The following SBF2 variants were observed in gnomAD, a reference collection of about 807,000 sequenced individuals.
SBF2 encodes the protein myotubularin-related protein 13.
Under a neutral mutation model 225.2 loss-of-function variants are expected in SBF2, and 112 were observed. The ratio of observed to expected loss-of-function variants is 0.50; its 90% confidence interval spans 0.43 to 0.58. The LOEUF (loss-of-function observed/expected upper bound fraction) is 0.58. Ranked by LOEUF, SBF2 falls within the 20% of genes least tolerant of loss-of-function variation. The pLI is 0.00. For missense variants in SBF2, 1,996 were observed against 2,206.2 expected, an observed-to-expected ratio of 0.90 and a Z score of 1.91; for synonymous variants, 763 against 773.3, an observed-to-expected ratio of 0.99 and a Z score of 0.22.
chr11:9,832,294 G>A lies in SBF2; in HGVS notation c.3582C>T (p.Leu1194=), dbSNP rs201514622. 5.2e-5 allele frequency: 84 copies of A among 1,614,076 alleles called. No homozygotes were observed. The highest frequency in any genetic ancestry group is 6.4e-5 in the Non-Finnish European group (76 of 1,180,044). ...CWKNSRSGTL[L]LRSGGFHGKG... Reference sequence around the variant, plus strand: ...TCCCATGGAATCCTCCAGATCGGAGGAGCAGAGTACCACTTCTTGAGTTCT... The same window carrying A: ...TCCCATGGAATCCTCCAGATCGGAGAAGCAGAGTACCACTTCTTGAGTTCT... The change falls in exon 27 of 40, where the codon CTC becomes CTT. Residue 1194 remains leucine, a synonymous_variant. Coordinates refer to ENST00000256190, the MANE Select transcript of SBF2 (RefSeq NM_030962.4).
At chr11:10,159,753 A>C (rs1034200290) in intron 2 of SBF2, among the ~76,000 whole-genome samples, 44 of 152,048 alleles carry the variant, frequency 2.9e-4, no homozygotes, top group African/African-American at 1.1e-3. Flanking sequence ...AGCCGGGCGC[A>C]GTGGCGGGTG....
At chr11:9,968,820 C>T (rs1171173907) in intron 13 of SBF2, among the ~76,000 whole-genome samples, 1 of 152,154 alleles carries the variant, frequency 6.6e-6, no homozygotes, top group Non-Finnish European at 1.5e-5. Context: ...TCTCATCTCC[C>T]TAATCCCTTA....
chr11:9,985,076 G>T (rs879446804), intron 13 of SBF2, among the ~76,000 whole-genome samples: 2 of 152,134 alleles, frequency 1.3e-5, no homozygotes, highest in African/African-American at 4.8e-5. Flanking sequence ...CGAAGAGCAC[G>T]ATGAAAGCAA....
intron 2 of SBF2, among the ~76,000 whole-genome samples, chr11:10,100,750 T>C (rs987669450): frequency 1.3e-5 from 2 of 152,148 alleles, no homozygotes; most frequent in Non-Finnish European, 2.9e-5. Context: ...AGTATCCGTC[T>C]GTAGCCCCAC....
intron 2 of SBF2, among the ~76,000 whole-genome samples, chr11:10,072,181 A>G: frequency 6.6e-6 from 1 of 152,218 alleles, no homozygotes; most frequent in Admixed American, 6.5e-5. Context: ...ACATAAAAAT[A>G]CCTAATTTTG....
At chr11:10,023,514 C>G (rs552770795) in intron 6 of SBF2, among the ~76,000 whole-genome samples, 1 of 152,308 alleles carries the variant, frequency 6.6e-6, no homozygotes, top group Non-Finnish European at 1.5e-5. Context: ...CCCACACCCA[C>G]TGGCAGTTAT....
chr11:10,026,246 T>C (rs1949050904), intron 6 of SBF2, among the ~76,000 whole-genome samples: 1 of 152,202 alleles, frequency 6.6e-6, no homozygotes. Flanking sequence ...TTTGGAAATG[T>C]GAAATAATTT....
At chr11:9,875,480 T>C (rs1257639329) in intron 17 of SBF2, among the ~76,000 whole-genome samples, 1 of 152,206 alleles carries the variant, frequency 6.6e-6, no homozygotes, top group African/African-American at 2.4e-5. Context: ...AAAACAAATG[T>C]TACTGCAGGC....
chr11:10,032,160 G>A (rs1013723315), intron 3 of SBF2, among the ~76,000 whole-genome samples: 2 of 152,078 alleles, frequency 1.3e-5, no homozygotes, highest in East Asian at 1.9e-4. Flanking sequence ...AATAAAAAAC[G>A]CTTAAAACAA....
intron 13 of SBF2, among the ~76,000 whole-genome samples, chr11:9,969,472 C>G (rs900409481): frequency 6.6e-6 from 1 of 152,192 alleles, no homozygotes; most frequent in Non-Finnish European, 1.5e-5. Flanking sequence ...CAACACCCTA[C>G]AAGATCTGGC....
chr11:10,235,949 T>C (rs1490633454), intron 1 of SBF2, among the ~76,000 whole-genome samples: 1 of 152,100 alleles, frequency 6.6e-6, no homozygotes, highest in Non-Finnish European at 1.5e-5. Flanking sequence ...TTTGTGCCTG[T>C]GGTCCCAGCT....
intron 30 of SBF2, among the ~76,000 whole-genome samples, chr11:9,809,738 G>T (rs1022436974): frequency 6.6e-6 from 1 of 151,750 alleles, no homozygotes; most frequent in African/African-American, 2.4e-5. Flanking sequence ...TAGAGACGAG[G>T]TTTCACCATG....
At chr11:10,087,114 T>C (rs1951597182) in intron 2 of SBF2, among the ~76,000 whole-genome samples, 2 of 152,136 alleles carry the variant, frequency 1.3e-5, no homozygotes, top group South Asian at 4.1e-4. Context: ...TTTTTTTTTG[T>C]TTGTTGTGTA....
At chr11:10,272,879 G>C (rs942226732) in intron 1 of SBF2, among the ~76,000 whole-genome samples, 6 of 151,776 alleles carry the variant, frequency 4.0e-5, no homozygotes, top group African/African-American at 1.2e-4. Context: ...GAGAGAGCCT[G>C]GCCAACATGG....
intron 17 of SBF2, among the ~76,000 whole-genome samples, chr11:9,872,814 G>C (rs537783837): frequency 6.6e-6 from 1 of 152,054 alleles, no homozygotes; most frequent in African/African-American, 2.4e-5. Context: ...TCAGGAGTTC[G>C]AGTAAATAAT....
intron 3 of SBF2, among the ~76,000 whole-genome samples, chr11:10,040,774 G>C (rs1159781044): frequency 6.6e-6 from 1 of 151,376 alleles, no homozygotes; most frequent in African/African-American, 2.4e-5. Flanking sequence ...AGGGGAAGAG[G>C]GAAGAAGGGA....
chr11:10,279,105 T>TAA (rs1459983511), intron 1 of SBF2, among the ~76,000 whole-genome samples: 10,785 of 76,510 alleles, frequency 0.14, 971 homozygotes, highest in Non-Finnish European at 0.21. Context: ...CGGTCTTGTA[T>TAA]TAAAAAAAAA....
intron 2 of SBF2, among the ~76,000 whole-genome samples, chr11:10,097,181 G>T (rs1952058364): frequency 6.6e-6 from 1 of 152,112 alleles, no homozygotes; most frequent in Admixed American, 6.6e-5. Context: ...CGTCACTTTC[G>T]CCATTTGAGA....
Position 9,823,323 on chromosome 11 carries a change from G to A in SBF2, c.3793+6033C>T, listed in dbSNP as rs1182735451. 6.6e-5 allele frequency among the ~76,000 whole-genome samples: 10 copies of A among 152,096 alleles called. No homozygotes were observed. The South Asian group carries it at 1.9e-3, about 28-fold the overall frequency. ...ATGCTGAATGCAAAGTGATCACCCT[G>A]ACTGAAAAAGAGGTGAAGGTCAATT... On this transcript the variant is annotated intron_variant, in intron 28 of 39. Transcript: ENST00000256190.
Sources: gnomAD v4.1 joint callset for allele counts (sites outside exome capture counted in the v4.1 genomes callset) on GRCh38, gnomAD v4.1.1 for gene constraint, MANE v1.5 for transcripts, NCBI Gene and HGNC (gene_info 2026-07-23, HGNC 2026-07-21) for gene names.